ATXN1: variants seen among roughly 807,000 people sequenced by gnomAD.
ATXN1 encodes the protein ataxin-1.
ATXN1 carries 8 observed loss-of-function variants against 56.4 expected under a neutral mutation model. The ratio of observed to expected loss-of-function variants is 0.14; its 90% CI spans 0.08 to 0.26. ATXN1 has a LOEUF of 0.26. Ranked by LOEUF, ATXN1 falls within the 10% of genes least tolerant of loss-of-function variation. The pLI, the probability that ATXN1 is intolerant of heterozygous loss-of-function variation, is 1.00. For missense variants in ATXN1, 987 were observed against 1,106.5 expected, an observed-to-expected ratio of 0.89 and a Z score of 1.53; for synonymous variants, 514 against 494.6, an observed-to-expected ratio of 1.04 and a Z score of -0.52.
chr6:16,424,409 G>A (rs1351966346), intron 6 of ATXN1, among the ~76,000 whole-genome samples: 1 of 152,158 alleles, frequency 6.6e-6, no homozygotes, highest in Non-Finnish European at 1.5e-5. Context: ...TCTGTTGGGA[G>A]CCTGATTTTA....
chr6:16,478,892 C>A (rs1038127174), intron 6 of ATXN1, among the ~76,000 whole-genome samples: 2 of 152,144 alleles, frequency 1.3e-5, no homozygotes, highest in Admixed American at 1.3e-4. Flanking sequence ...CAGATTGAAA[C>A]ACGTAACCAA....
intron 2 of ATXN1, among the ~76,000 whole-genome samples, chr6:16,740,459 A>G (rs1421383801): frequency 2.0e-5 from 3 of 152,164 alleles, no homozygotes; most frequent in African/African-American, 7.2e-5. Context: ...TGATTGTACA[A>G]TCTTCCCATC....
chr6:16,509,670 C>G (rs1484089079), intron 5 of ATXN1, among the ~76,000 whole-genome samples: 2 of 152,170 alleles, frequency 1.3e-5, no homozygotes, highest in African/African-American at 4.8e-5. Context: ...TGTCACTCCC[C>G]ACTCCCGTCT....
intron 6 of ATXN1, among the ~76,000 whole-genome samples, chr6:16,484,567 G>A (rs1451270138): frequency 6.6e-6 from 1 of 152,180 alleles, no homozygotes; most frequent in East Asian, 1.9e-4. Flanking sequence ...TAGGATTCAG[G>A]TCAGCTGATT....
chr6:16,601,693 T>C (rs1762914801), intron 3 of ATXN1, among the ~76,000 whole-genome samples: 1 of 151,906 alleles, frequency 6.6e-6, no homozygotes, highest in African/African-American at 2.4e-5. Flanking sequence ...TACTAAAAAA[T>C]ACAAAAAATA....
intron 3 of ATXN1, among the ~76,000 whole-genome samples, chr6:16,624,523 G>C (rs182970838): frequency 7.4e-4 from 112 of 152,268 alleles, no homozygotes; most frequent in African/African-American, 2.6e-3. Context: ...AAAAGCAAAA[G>C]TGGCGGTGTT....
chr6:16,619,675 A>G (rs1763282916), intron 3 of ATXN1, among the ~76,000 whole-genome samples: 1 of 152,204 alleles, frequency 6.6e-6, no homozygotes, highest in African/African-American at 2.4e-5. Context: ...ATGAATATAT[A>G]CATCCCTTCT....
chr6:16,394,506 T>A (rs1561879183), intron 6 of ATXN1, among the ~76,000 whole-genome samples: 1 of 152,224 alleles, frequency 6.6e-6, no homozygotes, highest in Non-Finnish European at 1.5e-5. Context: ...AATGATCAAT[T>A]CACGGTAATT....
At chr6:16,720,787 G>A (rs1206158883) in intron 2 of ATXN1, among the ~76,000 whole-genome samples, 1 of 152,094 alleles carries the variant, frequency 6.6e-6, no homozygotes, top group Non-Finnish European at 1.5e-5. Flanking sequence ...TACCCTCTTT[G>A]AGCCTGTAGA....
chr6:16,523,615 G>A (rs751673272), intron 4 of ATXN1, among the ~76,000 whole-genome samples: 2 of 152,174 alleles, frequency 1.3e-5, no homozygotes, highest in Non-Finnish European at 2.9e-5. Context: ...CCTGCACTTT[G>A]CTCTTTCCCA....
chr6:16,326,721 G>C lies in ATXN1; in HGVS notation c.1590C>G (p.Ser530Arg). The change falls in exon 7 of 8, where the codon AGC becomes AGG. Residue 530 changes from serine (S) to arginine (R), a missense_variant. Coordinates refer to ENST00000436367, the MANE Select transcript of ATXN1 (RefSeq NM_001128164.2). The surrounding 1 kb of genome is among the most constrained non-coding windows in gnomAD (Gnocchi z 6.6). ...HTFVTTALPK[S>R]ENFNPEALVT... is the part of the protein sequence containing the mutation. ...CCAGGGCCTCAGGGTTGAAGTTCTC[G>C]CTCTTGGGAAGGGCGGTGGTGACGA... is the stretch of plus-strand genomic sequence containing the variant. 3 of 1,613,568 alleles carry C rather than the reference G, an allele frequency of 1.9e-6. No individual in the cohort carries two copies. Among genetic ancestry groups the C allele is most frequent in the Non-Finnish European group, 2.5e-6 (3 of 1,180,010 alleles).
At chr6:16,540,118 T>C (rs1761683802) in intron 4 of ATXN1, among the ~76,000 whole-genome samples, 1 of 152,198 alleles carries the variant, frequency 6.6e-6, no homozygotes, top group Non-Finnish European at 1.5e-5. Flanking sequence ...GGGACTGCAA[T>C]GCTGAGAATC....
intron 6 of ATXN1, among the ~76,000 whole-genome samples, chr6:16,393,237 ATTTATT>A (rs1385434797): frequency 1.3e-5 from 2 of 151,938 alleles, no homozygotes; most frequent in Non-Finnish European, 2.9e-5. Context: ...TAAATTTTTA[ATTTATT>A]TTTATTTTAT....
chr6:16,573,940 C>T (rs1469301880), intron 4 of ATXN1, among the ~76,000 whole-genome samples: 3 of 152,214 alleles, frequency 2.0e-5, no homozygotes, highest in Non-Finnish European at 4.4e-5. Context: ...GACACTGGCA[C>T]CCCATTACAA....
chr6:16,750,111 C>G (rs994396260), intron 2 of ATXN1: 2 of 152,236 alleles, frequency 1.3e-5, no homozygotes, highest in Non-Finnish European at 1.5e-5. Context: ...TTCCTGATCA[C>G]TCCTACTCAG....
chr6:16,706,648 C>T (rs769837738), intron 2 of ATXN1, among the ~76,000 whole-genome samples: 1 of 151,196 alleles, frequency 6.6e-6, no homozygotes, highest in Non-Finnish European at 1.5e-5. Context: ...TTGCTTGAAC[C>T]CAGAGGCGGA....
intron 2 of ATXN1, among the ~76,000 whole-genome samples, chr6:16,718,724 A>G (rs1759687480): frequency 6.6e-6 from 1 of 152,218 alleles, no homozygotes; most frequent in Admixed American, 6.5e-5. Flanking sequence ...GAGAAAGAAC[A>G]TTTCCCCTGC....
At chr6:16,323,525 CAAAAAAAAA>C (rs35308265) in intron 7 of ATXN1, among the ~76,000 whole-genome samples, 2 of 48,828 alleles carry the variant, frequency 4.1e-5, no homozygotes, top group African/African-American at 1.7e-4. Context: ...ACTCTGTCTC[CAAAAAAAAA>C]AAAAAAAAAA....
chr6:16,439,295 A>G (rs2113594076), intron 6 of ATXN1, among the ~76,000 whole-genome samples: 1 of 140,582 alleles, frequency 7.1e-6, no homozygotes. Flanking sequence ...TACATTTGTA[A>G]AGTTATAACA....
Sources: allele counts gnomAD v4.1 joint callset (sites outside exome capture counted in the v4.1 genomes callset), GRCh38; gene constraint gnomAD v4.1.1; non-coding constraint Gnocchi (gnomAD v3.1); transcripts MANE v1.5; gene names NCBI Gene and HGNC (gene_info 2026-07-23, HGNC 2026-07-21).